Variants in PSPC1 observed in about 807,000 individuals in gnomAD.
The protein encoded by PSPC1 is paraspeckle component 1.
PSPC1 carries 14 observed loss-of-function variants against 51.6 expected under a neutral mutation model. The observed-to-expected ratio is 0.27, with a 90% confidence interval of 0.18 to 0.42. PSPC1 has a LOEUF of 0.42. PSPC1 is among the 10% of genes least tolerant of loss of function. The probability of loss-of-function intolerance (pLI) is 1.00; values close to 1 mark genes in which losing one functional copy is unlikely to be tolerated. For synonymous variants in PSPC1, 193 were observed against 231.9 expected, an observed-to-expected ratio of 0.83 and a Z score of 1.53; for missense variants, 406 against 701.1, an observed-to-expected ratio of 0.58 and a Z score of 4.75.
chr13:19,764,381 C>T (rs1271510943), intron 2 of PSPC1, among the ~76,000 whole-genome samples: 1 of 152,020 alleles, frequency 6.6e-6, no homozygotes, highest in African/African-American at 2.4e-5. Context: ...TTTAACCATA[C>T]CAACTGGTAT....
Position 19,681,300 on chromosome 13 carries a change from T to G in PSPC1, c.1159-3477A>C, listed in dbSNP as rs527344291. Among the ~76,000 whole-genome samples, 10 of 152,278 alleles carry G rather than the reference T, an allele frequency of 6.6e-5. No homozygotes were observed. The East Asian group carries it at 1.9e-3, about 29-fold the overall frequency. The stretch of plus-strand genomic sequence containing the variant: ...GAATGGTAAACTATGTGATAATGGA[T>G]GTAACATTCTCCCAGCCTTTGAGTA... On this transcript the variant is annotated intron_variant and NMD_transcript_variant, in intron 6 of 7. Coordinates refer to the PSPC1 transcript ENST00000471658.
chr13:19,678,476 CAT>C (rs1876909520), intron 6 of PSPC1: 3 of 152,262 alleles, frequency 2.0e-5, no homozygotes, highest in African/African-American at 7.2e-5. Context: ...TTTTGGGACA[CAT>C]AAACATACAG....
chr13:19,740,972 T>G (rs1885382555), intron 5 of PSPC1, among the ~76,000 whole-genome samples: 1 of 152,062 alleles, frequency 6.6e-6, no homozygotes, highest in Non-Finnish European at 1.5e-5. Context: ...CCTCCTGGAT[T>G]CAAGCGATTC....
At chr13:19,704,358 C>T (rs1400491077) in intron 8 of PSPC1, among the ~76,000 whole-genome samples, 1 of 152,256 alleles carries the variant, frequency 6.6e-6, no homozygotes, top group Non-Finnish European at 1.5e-5. Flanking sequence ...CAACTGCCAG[C>T]ATGTCCAATT....
At chr13:19,766,293 A>C (rs376594702) in intron 2 of PSPC1, among the ~76,000 whole-genome samples, 10 of 152,276 alleles carry the variant, frequency 6.6e-5, no homozygotes, top group African/African-American at 2.4e-4. Flanking sequence ...GAATCGCTTG[A>C]ATCCAAGAGG....
chr13:19,697,446 G>A (rs763780485), intron 6 of PSPC1, among the ~76,000 whole-genome samples: 4 of 152,136 alleles, frequency 2.6e-5, no homozygotes, highest in Non-Finnish European at 5.9e-5. Context: ...CTTGATACAT[G>A]CTGTTACAAT....
intron 6 of PSPC1, among the ~76,000 whole-genome samples, chr13:19,683,351 T>C (rs559916248): frequency 6.6e-6 from 1 of 152,338 alleles, no homozygotes; most frequent in Admixed American, 6.5e-5. Flanking sequence ...CACGTACTGA[T>C]AAATGCAGCA....
At chr13:19,721,946 T>C (rs1882821862) in intron 6 of PSPC1, among the ~76,000 whole-genome samples, 1 of 152,210 alleles carries the variant, frequency 6.6e-6, no homozygotes, top group Non-Finnish European at 1.5e-5. Context: ...AAATGTGTAA[T>C]ATCTGAGGCA....
chr13:19,707,471 T>G (rs1880841555), intron 7 of PSPC1, among the ~76,000 whole-genome samples: 1 of 152,222 alleles, frequency 6.6e-6, no homozygotes, highest in African/African-American at 2.4e-5. Flanking sequence ...TCAATGTAAC[T>G]TGATGAGTTA....
At chr13:19,758,203 C>T (rs1437502907) in intron 3 of PSPC1, among the ~76,000 whole-genome samples, 3 of 151,898 alleles carry the variant, frequency 2.0e-5, no homozygotes, top group Non-Finnish European at 4.4e-5. Context: ...GTCCCAGCTA[C>T]TCGGGAGGCT....
chr13:19,781,296 C>A (rs948590745), intron 1 of PSPC1, among the ~76,000 whole-genome samples: 26 of 152,154 alleles, frequency 1.7e-4, no homozygotes, highest in African/African-American at 5.8e-4. Context: ...GGACTACAGG[C>A]GCGCACCACC....
chr13:19,676,403 G>C (rs964576419), intron 7 of PSPC1, among the ~76,000 whole-genome samples: 3 of 152,164 alleles, frequency 2.0e-5, no homozygotes, highest in Non-Finnish European at 4.4e-5. Flanking sequence ...CAAAGCCTGA[G>C]ATTTAACTTT....
At chr13:19,779,881 C>A (rs1889713249) in intron 1 of PSPC1, among the ~76,000 whole-genome samples, 2 of 111,218 alleles carry the variant, frequency 1.8e-5, no homozygotes, top group Non-Finnish European at 1.9e-5. Flanking sequence ...GCCCCCCGCC[C>A]GGCCAGCCGC....
chr13:19,694,120 CTCAAA>C (rs1878908205), intron 6 of PSPC1, among the ~76,000 whole-genome samples: 1 of 56,358 alleles, frequency 1.8e-5, no homozygotes. Flanking sequence ...GAGACTCCAT[CTCAAA>C]AAAAAAAAAA....
At chr13:19,736,644 C>T (rs959172846) in intron 5 of PSPC1, among the ~76,000 whole-genome samples, 2 of 152,116 alleles carry the variant, frequency 1.3e-5, no homozygotes, top group South Asian at 2.1e-4. Context: ...GATCGCGCCA[C>T]TGCACTCCAG....
intron 3 of PSPC1, among the ~76,000 whole-genome samples, chr13:19,754,083 T>C (rs1271651381): frequency 1.3e-5 from 2 of 152,006 alleles, no homozygotes; most frequent in African/African-American, 2.4e-5. Context: ...TTTCTTTTTC[T>C]TTCTTTCTTT....
intron 1 of PSPC1, among the ~76,000 whole-genome samples, chr13:19,779,699 C>T (rs1157095211): frequency 9.2e-6 from 1 of 108,718 alleles, no homozygotes; most frequent in African/African-American, 3.7e-5. Flanking sequence ...GTCAGCCCCC[C>T]GCCCGGCCAG....
At chr13:19,778,944 G>A (rs1889534774) in intron 1 of PSPC1, among the ~76,000 whole-genome samples, 2 of 137,920 alleles carry the variant, frequency 1.5e-5, no homozygotes, top group East Asian at 2.3e-4. Flanking sequence ...CTTCCCAGCC[G>A]CCATCACATT....
intron 1 of PSPC1, among the ~76,000 whole-genome samples, chr13:19,781,421 A>T (rs1208817487): frequency 6.6e-6 from 1 of 152,114 alleles, no homozygotes; most frequent in Non-Finnish European, 1.5e-5. Flanking sequence ...AATTATTGGA[A>T]AACTTTTCAA....
Sources: allele counts gnomAD v4.1 joint callset (sites outside exome capture counted in the v4.1 genomes callset), GRCh38; gene constraint gnomAD v4.1.1; transcripts MANE v1.5; gene names NCBI Gene and HGNC (gene_info 2026-07-23, HGNC 2026-07-21).